The following FGD4 variants were observed in gnomAD, a reference collection of about 807,000 sequenced individuals.
FGD4 encodes FYVE, RhoGEF and PH domain containing 4, also known as FYVE, RhoGEF and PH domain-containing protein 4.
In FGD4, 42 loss-of-function variants were observed where a neutral mutation model predicts 102.0. The observed-to-expected ratio is 0.41, with a 90% CI of 0.32 to 0.53. The LOEUF is 0.53. FGD4 is among the 20% of genes least tolerant of loss of function. The pLI is 0.21. For synonymous variants in FGD4, 380 were observed against 375.7 expected (o/e 1.01, Z -0.13); for missense variants, 902 against 1,078.2 (o/e 0.84, Z 2.29).
intron 1 of FGD4, among the ~76,000 whole-genome samples, chr12:32,493,480 G>A (rs1206726294): frequency 6.6e-6 from 1 of 152,202 alleles, no homozygotes; most frequent in Non-Finnish European, 1.5e-5. Flanking sequence ...ATCAGGACTA[G>A]AAAGCATTCT....
At chr12:32,612,754 T>G (rs1467175348) in intron 10 of FGD4, among the ~76,000 whole-genome samples, 1 of 152,178 alleles carries the variant, frequency 6.6e-6, no homozygotes, top group Non-Finnish European at 1.5e-5. Flanking sequence ...ATAAGCCTGG[T>G]TGTAAGTCTT....
chr12:32,623,371 A>T (rs984864562), intron 11 of FGD4, among the ~76,000 whole-genome samples: 8 of 151,864 alleles, frequency 5.3e-5, no homozygotes, highest in Admixed American at 2.6e-4. Flanking sequence ...TTTTTTTTTT[A>T]TTTTGAGAAG....
intron 1 of FGD4, among the ~76,000 whole-genome samples, chr12:32,451,692 A>C (rs1023472728): frequency 3.3e-5 from 5 of 151,940 alleles, no homozygotes; most frequent in African/African-American, 1.2e-4. Context: ...GGATCACCCG[A>C]GGTCAGGAGT....
At chr12:32,437,994 C>A (rs186550491) in intron 1 of FGD4, among the ~76,000 whole-genome samples, 1 of 152,112 alleles carries the variant, frequency 6.6e-6, no homozygotes, top group Non-Finnish European at 1.5e-5. Flanking sequence ...CGGGTTCAAG[C>A]GATTCTTCTG....
chr12:32,611,362 T>C, intron 10 of FGD4, 79 bp downstream of exon 10: 1 of 1,552,532 alleles, frequency 6.4e-7, no homozygotes, highest in East Asian at 2.3e-5. Context: ...ATGCCTGTAA[T>C]CCCAGCACTT....
chr12:32,512,030 C>T (rs975412229), intron 1 of FGD4: 1 of 152,058 alleles, frequency 6.6e-6, no homozygotes, highest in East Asian at 1.9e-4. Flanking sequence ...TATTGCTTTT[C>T]TTTGAATTAT....
chr12:32,428,849 T>A (rs1023056429), intron 1 of FGD4, among the ~76,000 whole-genome samples: 11 of 152,228 alleles, frequency 7.2e-5, no homozygotes, highest in Non-Finnish European at 1.2e-4. Context: ...TTCACAAAGT[T>A]CTCATGCTGT....
At chr12:32,517,547 C>T (rs1565793532) in intron 1 of FGD4, among the ~76,000 whole-genome samples, 1 of 152,166 alleles carries the variant, frequency 6.6e-6, no homozygotes, top group Admixed American at 6.5e-5. Context: ...GTCCCAGAAT[C>T]AAACTACAGG....
intron 2 of FGD4, among the ~76,000 whole-genome samples, chr12:32,566,405 A>G (rs934753207): frequency 2.6e-5 from 4 of 152,084 alleles, no homozygotes; most frequent in African/African-American, 9.7e-5. Flanking sequence ...CTCCGTATGA[A>G]CTTTATTTTT....
intron 1 of FGD4, among the ~76,000 whole-genome samples, chr12:32,530,893 T>C (rs547392005): frequency 2.0e-3 from 300 of 151,398 alleles, no homozygotes; most frequent in African/African-American, 7.0e-3. Flanking sequence ...CCAAAAATTA[T>C]TTAGGGTTGA....
Position 32,644,116 on chromosome 12 carries a change from A to G in FGD4, c.*3583A>G, listed in dbSNP as rs1951295072. 1 of 152,186 alleles carries G rather than the reference A, an allele frequency of 6.6e-6. No homozygotes were observed. Among genetic ancestry groups the G allele is most frequent in the Non-Finnish European group, 1.5e-5 (1 of 67,998 alleles). The allele number at this position is 152,186 out of a possible 1,614,324, so 9.4% of individuals were successfully genotyped here. A position where few individuals can be genotyped will look rare whatever the true frequency, so the allele number is the denominator to read the frequency against. ...ATTAAGCACATGATATTTATAAGCTAAAATTAACTCAAAAGTCAAGAATGT... is the reference window on the plus strand; with the variant it reads ...ATTAAGCACATGATATTTATAAGCTGAAATTAACTCAAAAGTCAAGAATGT... On this transcript the variant is annotated 3_prime_UTR_variant, in exon 17 of 17. Coordinates refer to ENST00000534526, the MANE Select transcript of FGD4 (RefSeq NM_001370298.3).
At chr12:32,505,413 C>T (rs1445961711) in intron 1 of FGD4, among the ~76,000 whole-genome samples, 1 of 152,220 alleles carries the variant, frequency 6.6e-6, no homozygotes, top group Non-Finnish European at 1.5e-5. Context: ...TTTCATTTGG[C>T]AGGCTTTTTC....
chr12:32,562,449 G>A (rs1944693324), intron 1 of FGD4, among the ~76,000 whole-genome samples: 1 of 152,182 alleles, frequency 6.6e-6, no homozygotes, highest in African/African-American at 2.4e-5. Flanking sequence ...ATTCTTGGGT[G>A]TTTCTCGCAG....
intron 1 of FGD4, among the ~76,000 whole-genome samples, chr12:32,487,512 CA>C (rs1202045805): frequency 6.6e-6 from 1 of 151,948 alleles, no homozygotes; most frequent in African/African-American, 2.4e-5. Flanking sequence ...CGGCTCACTG[CA>C]ACCTCTGCCT....
At chr12:32,417,184 G>A (rs577045375) in intron 1 of FGD4, among the ~76,000 whole-genome samples, 27 of 152,150 alleles carry the variant, frequency 1.8e-4, no homozygotes, top group African/African-American at 6.3e-4. Flanking sequence ...ATGAGCCACC[G>A]CGCCTGGCCT....
At chr12:32,453,189 T>TTATA (rs1338336775) in intron 1 of FGD4, among the ~76,000 whole-genome samples, 20 of 94,394 alleles carry the variant, frequency 2.1e-4, no homozygotes, top group Admixed American at 1.9e-3. Flanking sequence ...TATATATATT[T>TTATA]TATATATATA....
chr12:32,499,979 A>G (rs1938067878), intron 1 of FGD4, among the ~76,000 whole-genome samples: 1 of 152,216 alleles, frequency 6.6e-6, no homozygotes, highest in Non-Finnish European at 1.5e-5. Flanking sequence ...GATCGTGAGC[A>G]TGGGTGACAA....
rs768536136 is a variant in FGD4, at chr12:32,530,941, G to GTTTTTTTTTTTTTTTTT, written c.167-33183_167-33167dup. On this transcript the variant is annotated intron_variant, in intron 1 of 16. Coordinates refer to ENST00000534526, the MANE Select transcript of FGD4 (RefSeq NM_001370298.3). ...TATGACAATCAGTTTCCTAGCTTTGGTTTTTTTTTTTTTTTTTTTTTTTTT... is the reference window on the plus strand; with the variant it reads ...TATGACAATCAGTTTCCTAGCTTTGGTTTTTTTTTTTTTTTTTTTTTTTTTTTTTTTTTTTTTTTTTT... Among the ~76,000 whole-genome samples the GTTTTTTTTTTTTTTTTT allele has an allele frequency of 1.6e-4, 11 of 70,466 alleles. 2 individuals carry two copies. Among genetic ancestry groups the GTTTTTTTTTTTTTTTTT allele is most frequent in the African/African-American group, 6.9e-4 (10 of 14,478 alleles). The allele number at this position is 70,466 out of a possible 152,430, so 46.2% of individuals were successfully genotyped here. A position where few individuals can be genotyped will look rare whatever the true frequency, so the allele number is the denominator to read the frequency against.
chr12:32,496,926 A>C (rs187741797), intron 1 of FGD4, among the ~76,000 whole-genome samples: 1 of 152,236 alleles, frequency 6.6e-6, no homozygotes, highest in African/African-American at 2.4e-5. Flanking sequence ...CAAACAATCT[A>C]ATGATGTGAA....
Sources: allele counts gnomAD v4.1 joint callset (sites outside exome capture counted in the v4.1 genomes callset), GRCh38; gene constraint gnomAD v4.1.1; transcripts MANE v1.5; gene names NCBI Gene and HGNC (gene_info 2026-07-23, HGNC 2026-07-21).